Variants in SNTG1 observed in about 807,000 individuals in gnomAD.
SNTG1 encodes the protein syntrophin gamma 1, also known as gamma-1-syntrophin.
SNTG1 carries 39 observed loss-of-function variants against 74.7 expected under a neutral mutation model. That is an observed-to-expected ratio of 0.52 (90% confidence interval 0.40 to 0.68). The LOEUF is 0.68. Among genes scored for constraint, SNTG1 ranks in the 30% least tolerant of loss-of-function variants. SNTG1 has a pLI of 0.00. For synonymous variants in SNTG1, 254 were observed against 217.1 expected, an observed-to-expected ratio of 1.17 and a Z score of -1.49; for missense variants, 685 against 609.5, an observed-to-expected ratio of 1.12 and a Z score of -1.30.
intron 2 of SNTG1, among the ~76,000 whole-genome samples, chr8:50,195,977 A>G (rs1428351550): frequency 6.6e-6 from 1 of 152,176 alleles, no homozygotes; most frequent in Non-Finnish European, 1.5e-5. Context: ...AGATTTTAAT[A>G]TCAATAATTT....
intron 18 of SNTG1, among the ~76,000 whole-genome samples, chr8:50,764,899 T>C (rs1348466827): frequency 1.3e-5 from 2 of 151,944 alleles, no homozygotes; most frequent in African/African-American, 4.8e-5. Context: ...AACTGATAAA[T>C]GGATAAATAA....
At position 50,654,061 on chromosome 8, in the gene SNTG1, G is replaced by C. The variant is rs372644326; in HGVS notation, c.850-2848G>C. 4.1e-4 allele frequency among the ~76,000 whole-genome samples: 62 copies of C among 152,098 alleles called. 2 individuals carry two copies. In the South Asian group the frequency reaches 0.012, roughly 30 times the overall value. Reference sequence around the variant, plus strand: ...GACACATGCCAAAGTGCCTTGGTGTGCTTATATTTATCTAGCTTTTGTTTT... The same window carrying C: ...GACACATGCCAAAGTGCCTTGGTGTCCTTATATTTATCTAGCTTTTGTTTT... On this transcript the variant is annotated intron_variant, in intron 13 of 18. Transcript: ENST00000642720.
chr8:50,152,545 C>T (rs938138077), intron 1 of SNTG1, among the ~76,000 whole-genome samples: 38 of 152,158 alleles, frequency 2.5e-4, no homozygotes, highest in East Asian at 9.6e-4. Flanking sequence ...TGGCTGGTAC[C>T]GGTTGTTCCT....
At chr8:50,039,113 T>C (rs1341767493) in intron 1 of SNTG1, among the ~76,000 whole-genome samples, 1 of 152,110 alleles carries the variant, frequency 6.6e-6, no homozygotes. Flanking sequence ...TTTATCTTAG[T>C]CTCCACCTGG....
intron 1 of SNTG1, among the ~76,000 whole-genome samples, chr8:50,108,060 T>TGA (rs2080448074): frequency 1.3e-5 from 2 of 152,054 alleles, no homozygotes; most frequent in Non-Finnish European, 1.5e-5. Flanking sequence ...GGTCTTTTGC[T>TGA]GGCAACAAGA....
chr8:50,744,565 C>T (rs1418129989), intron 17 of SNTG1, among the ~76,000 whole-genome samples: 2 of 151,902 alleles, frequency 1.3e-5, no homozygotes, highest in East Asian at 3.9e-4. Flanking sequence ...TTATAACTAA[C>T]ATAAAATTTT....
chr8:50,572,093 A>C (rs2094552003), intron 12 of SNTG1, among the ~76,000 whole-genome samples: 1 of 152,112 alleles, frequency 6.6e-6, no homozygotes, highest in Non-Finnish European at 1.5e-5. Flanking sequence ...GATAAACAAA[A>C]AACAATTTTT....
chr8:50,275,873 G>T (rs931128565), intron 2 of SNTG1, among the ~76,000 whole-genome samples: 2 of 152,064 alleles, frequency 1.3e-5, no homozygotes, highest in African/African-American at 2.4e-5. Context: ...TTCTTACTTG[G>T]ATCTAAGAAA....
At chr8:50,565,168 A>G (rs2094509309) in intron 12 of SNTG1, among the ~76,000 whole-genome samples, 1 of 152,008 alleles carries the variant, frequency 6.6e-6, no homozygotes. Context: ...CTCAAGACTG[A>G]CAATGTCTTC....
At chr8:50,761,427 A>G (rs1460307842) in intron 18 of SNTG1, among the ~76,000 whole-genome samples, 1 of 151,856 alleles carries the variant, frequency 6.6e-6, no homozygotes, top group Non-Finnish European at 1.5e-5. Context: ...GTGGCTTCAC[A>G]TATGCTGCTC....
At chr8:50,043,520 G>A (rs1241317458) in intron 1 of SNTG1, among the ~76,000 whole-genome samples, 1 of 152,106 alleles carries the variant, frequency 6.6e-6, no homozygotes, top group African/African-American at 2.4e-5. Flanking sequence ...TTTGTGAAGG[G>A]GATGTCTTTG....
intron 2 of SNTG1, among the ~76,000 whole-genome samples, chr8:50,206,359 G>T (rs1001425159): frequency 6.6e-6 from 1 of 151,958 alleles, no homozygotes; most frequent in Non-Finnish European, 1.5e-5. Context: ...TCTTTATTTG[G>T]CTCTCTGTTT....
chr8:50,386,103 C>T (rs572157806), intron 2 of SNTG1, among the ~76,000 whole-genome samples: 32 of 152,160 alleles, frequency 2.1e-4, no homozygotes, highest in Non-Finnish European at 4.4e-4. Flanking sequence ...ACAGCTCTCA[C>T]TCCACATGTC....
intron 1 of SNTG1, among the ~76,000 whole-genome samples, chr8:49,967,007 G>A (rs1246891404): frequency 6.6e-6 from 1 of 151,792 alleles, no homozygotes; most frequent in African/African-American, 2.4e-5. Flanking sequence ...AAATATTTTT[G>A]TGCTTTCTTT....
At position 49,997,877 on chromosome 8, in the gene SNTG1, C is replaced by A. The variant is rs186303754; in HGVS notation, c.-103+85646C>A. ...ACAATTTCCTAGTCAACCAAGACTT[C>A]TCACCTGAAGTCTAGACGCATATAC... On this transcript the variant is annotated intron_variant, in intron 1 of 18. Coordinates refer to ENST00000642720, the MANE Select transcript of SNTG1 (RefSeq NM_018967.5). Among the ~76,000 whole-genome samples the A allele has an allele frequency of 3.0e-4, 46 of 152,288 alleles. 1 individual carries two copies. In the East Asian group the frequency reaches 7.9e-3, roughly 26 times the overall value.
chr8:50,392,707 A>G (rs571946422), intron 2 of SNTG1, among the ~76,000 whole-genome samples: 1 of 152,298 alleles, frequency 6.6e-6, no homozygotes, highest in East Asian at 1.9e-4. Flanking sequence ...TTATCACCTA[A>G]TGTTTTGATG....
chr8:50,437,030 T>C (rs571999357), intron 4 of SNTG1, among the ~76,000 whole-genome samples: 54 of 152,276 alleles, frequency 3.5e-4, no homozygotes, highest in Non-Finnish European at 2.9e-4. Context: ...ATATTTCAAG[T>C]TGCTTTGCAT....
intron 1 of SNTG1, among the ~76,000 whole-genome samples, chr8:50,056,175 C>G (rs930384670): frequency 2.6e-5 from 4 of 152,118 alleles, no homozygotes; most frequent in African/African-American, 9.7e-5. Flanking sequence ...CTGCTTTAAT[C>G]TAAGGATTCT....
At chr8:50,775,211 A>G (rs897637621) in intron 18 of SNTG1, among the ~76,000 whole-genome samples, 9 of 151,576 alleles carry the variant, frequency 5.9e-5, no homozygotes, top group Admixed American at 1.3e-4. Flanking sequence ...ATTTAGCTAT[A>G]TGATGTTCTC....
Sources: gnomAD v4.1 joint callset for allele counts (sites outside exome capture counted in the v4.1 genomes callset) on GRCh38, gnomAD v4.1.1 for gene constraint, MANE v1.5 for transcripts, NCBI Gene and HGNC (gene_info 2026-07-23, HGNC 2026-07-21) for gene names.